Variants in FAT3 observed in about 807,000 individuals in gnomAD.
FAT3 encodes FAT atypical cadherin 3, also known as protocadherin Fat 3.
In FAT3, 95 loss-of-function variants were observed where a neutral mutation model predicts 310.2. The ratio of observed to expected loss-of-function variants is 0.31; its 90% CI spans 0.26 to 0.36. FAT3 has a LOEUF of 0.36. Ranked by LOEUF, FAT3 falls within the 10% of genes least tolerant of loss-of-function variation. The pLI is 1.00. For synonymous variants in FAT3, 2,314 were observed against 2,192.9 expected, an observed-to-expected ratio of 1.06 and a Z score of -1.54; for missense variants, 5,408 against 5,715.6, an observed-to-expected ratio of 0.95 and a Z score of 1.74.
chr11:92,598,174 TTTTAAAAA>T (rs1486844735), intron 3 of FAT3, among the ~76,000 whole-genome samples: 1 of 149,728 alleles, frequency 6.7e-6, no homozygotes, highest in Non-Finnish European at 1.5e-5. Flanking sequence ...TTCCACAGGA[TTTTAAAAA>T]TTTATTTTCA....
chr11:92,419,707 A>T (rs1950498116), intron 2 of FAT3, among the ~76,000 whole-genome samples: 2 of 152,090 alleles, frequency 1.3e-5, no homozygotes, highest in Admixed American at 1.3e-4. Context: ...TATATTTCTT[A>T]ACCTCCAGCT....
At chr11:92,543,643 AATAGTGCAC>A (rs1158588153) in intron 3 of FAT3, among the ~76,000 whole-genome samples, 3 of 152,206 alleles carry the variant, frequency 2.0e-5, no homozygotes, top group South Asian at 4.1e-4. Flanking sequence ...AAGCTATGCA[AATAGTGCAC>A]ATAGTGCACT....
At position 92,799,042 on chromosome 11, in the gene FAT3, G is replaced by A. The variant is rs767862087; in HGVS notation, c.6029G>A (p.Arg2010His). The A allele has an allele frequency of 6.8e-5, 109 of 1,613,696 alleles. No individual in the cohort carries two copies. The South Asian group carries it at 8.7e-4, about 13-fold the overall frequency. The change falls in exon 10 of 28, where the codon CGC becomes CAC. Residue 2010 changes from arginine (R) to histidine (H), a missense_variant. By Grantham distance (29) the Arg-to-His change is conservative (BLOSUM62 0). Around this residue, in one of 5 missense-constraint regions of FAT3, gnomAD observed 4,588 missense variants for 4,809.8 expected, o/e 0.95. Coordinates refer to ENST00000525166, the MANE Select transcript of FAT3 (RefSeq NM_001367949.2). Reference protein sequence around the residue: ...KVAIVNAVGNRLNEPLKYSIL... With the variant: ...KVAIVNAVGNHLNEPLKYSIL... ...GCTATTGTCAATGCAGTTGGAAATC[G>A]CCTTAATGAGCCCTTAAAATACAGC...
intron 1 of FAT3, among the ~76,000 whole-genome samples, chr11:92,269,551 C>G (rs115400564): frequency 5.9e-5 from 9 of 152,002 alleles, no homozygotes; most frequent in East Asian, 3.9e-4. Context: ...GTTGGAAGAG[C>G]CTTGTAGTTT....
At chr11:92,714,033 C>G (rs1462466825) in intron 4 of FAT3, among the ~76,000 whole-genome samples, 2 of 149,124 alleles carry the variant, frequency 1.3e-5, no homozygotes, top group African/African-American at 5.0e-5. Flanking sequence ...GACTCTCTAA[C>G]AAGTCTAGTT....
chr11:92,443,321 G>A (rs745757382), intron 2 of FAT3, among the ~76,000 whole-genome samples: 4 of 152,194 alleles, frequency 2.6e-5, no homozygotes, highest in Admixed American at 1.3e-4. Context: ...GTCCCCAAGC[G>A]CACACTGTAC....
chr11:92,291,058 C>T (rs1946675977), intron 1 of FAT3, among the ~76,000 whole-genome samples: 1 of 149,878 alleles, frequency 6.7e-6, no homozygotes, highest in South Asian at 2.1e-4. Flanking sequence ...TAAGCTCTTA[C>T]TCTGCTAAAT....
chr11:92,468,907 C>T (rs918361370), intron 2 of FAT3, among the ~76,000 whole-genome samples: 2 of 152,128 alleles, frequency 1.3e-5, no homozygotes, highest in Non-Finnish European at 2.9e-5. Context: ...ATTTTAGAAG[C>T]CCTGTGCCAA....
At chr11:92,783,710 G>A (rs187725085) in intron 7 of FAT3, among the ~76,000 whole-genome samples, 29 of 152,236 alleles carry the variant, frequency 1.9e-4, no homozygotes, top group African/African-American at 7.0e-4. Flanking sequence ...AGGCTGAGGT[G>A]TGAGTCTGAA....
intron 1 of FAT3, among the ~76,000 whole-genome samples, chr11:92,232,721 C>A (rs369799405): frequency 1.4e-5 from 2 of 138,924 alleles, no homozygotes; most frequent in South Asian, 2.4e-4. Flanking sequence ...ATGGAGTGGA[C>A]GCATGGTGTC....
intron 2 of FAT3, among the ~76,000 whole-genome samples, chr11:92,356,648 T>C (rs1269788611): frequency 2.0e-5 from 3 of 152,148 alleles, no homozygotes; most frequent in Admixed American, 2.0e-4. Flanking sequence ...TGTACCCTCA[T>C]GACCTCATCA....
At chr11:92,777,370 A>G (rs1027815856) in intron 7 of FAT3, among the ~76,000 whole-genome samples, 9 of 151,962 alleles carry the variant, frequency 5.9e-5, no homozygotes, top group African/African-American at 2.2e-4. Flanking sequence ...TATTCTCCCA[A>G]CTCTCACAGG....
intron 1 of FAT3, among the ~76,000 whole-genome samples, chr11:92,348,875 G>T (rs1469773766): frequency 6.6e-6 from 1 of 152,140 alleles, no homozygotes; most frequent in Admixed American, 6.6e-5. Context: ...CATATTAAAG[G>T]CATCTGGGCC....
chr11:92,762,212 A>G (rs1052930224), intron 5 of FAT3, 42 bp downstream of exon 5: 1 of 1,549,960 alleles, frequency 6.5e-7, no homozygotes, highest in Non-Finnish European at 8.8e-7. Context: ...GATGGGGGGA[A>G]GTGGTTATGT....
At chr11:92,781,144 G>A (rs1235833585) in intron 7 of FAT3, among the ~76,000 whole-genome samples, 2 of 136,454 alleles carry the variant, frequency 1.5e-5, no homozygotes, top group Admixed American at 8.3e-5. Context: ...GCACAATCTC[G>A]TCTCACTGCA....
At chr11:92,409,166 C>A (rs532679135) in intron 2 of FAT3, among the ~76,000 whole-genome samples, 6 of 152,014 alleles carry the variant, frequency 3.9e-5, no homozygotes, top group African/African-American at 1.4e-4. Context: ...AATTCTTATT[C>A]ATGATTTTAG....
chr11:92,510,984 CAT>C (rs1406273341), intron 2 of FAT3, among the ~76,000 whole-genome samples: 1 of 152,212 alleles, frequency 6.6e-6, no homozygotes, highest in Non-Finnish European at 1.5e-5. Flanking sequence ...GATGAGAGCC[CAT>C]CTAGAGCGCC....
chr11:92,247,202 G>T (rs1023125996), intron 1 of FAT3, among the ~76,000 whole-genome samples: 1 of 152,044 alleles, frequency 6.6e-6, no homozygotes, highest in Middle Eastern at 3.2e-3. Context: ...AGGTGAGTGT[G>T]TTGGGTAGGT....
At chr11:92,429,619 T>C (rs1381777813) in intron 2 of FAT3, among the ~76,000 whole-genome samples, 1 of 152,178 alleles carries the variant, frequency 6.6e-6, no homozygotes, top group African/African-American at 2.4e-5. Context: ...TAAAGGATTT[T>C]ATTTCTCCTT....
Sources: allele counts gnomAD v4.1 joint callset (sites outside exome capture counted in the v4.1 genomes callset), GRCh38; gene constraint gnomAD v4.1.1; regional missense constraint gnomAD v4.1.1; transcripts MANE v1.5; gene names NCBI Gene and HGNC (gene_info 2026-07-23, HGNC 2026-07-21).